The following HS6ST3 variants were observed in gnomAD, a reference collection of about 807,000 sequenced individuals.
HS6ST3 encodes heparan-sulfate 6-O-sulfotransferase 3.
HS6ST3 carries 12 observed loss-of-function variants against 36.7 expected under a neutral mutation model. The observed-to-expected ratio is 0.33, with a 90% CI of 0.21 to 0.53. The LOEUF (loss-of-function observed/expected upper bound fraction) is 0.53. Among genes scored for constraint, HS6ST3 ranks in the 20% least tolerant of loss-of-function variants. The pLI is 0.95. For synonymous variants in HS6ST3, 240 were observed against 257.5 expected (o/e 0.93, Z 0.65); for missense variants, 584 against 640.9 (o/e 0.91, Z 0.96).
At chr13:96,818,867 T>A (rs965838358) in intron 1 of HS6ST3, among the ~76,000 whole-genome samples, 1 of 152,230 alleles carries the variant, frequency 6.6e-6, no homozygotes, top group Non-Finnish European at 1.5e-5. Flanking sequence ...TCTACAAGGG[T>A]TGTATCAAAA....
chr13:96,627,764 T>A (rs573259129), intron 1 of HS6ST3, among the ~76,000 whole-genome samples: 2 of 151,930 alleles, frequency 1.3e-5, no homozygotes, highest in Non-Finnish European at 3.0e-5. Flanking sequence ...ATGAGTTGTG[T>A]GTTCTAAAAA....
intron 1 of HS6ST3, among the ~76,000 whole-genome samples, chr13:96,465,931 G>A (rs2055811173): frequency 7.8e-6 from 1 of 127,778 alleles, no homozygotes; most frequent in South Asian, 3.2e-4. Flanking sequence ...AATCTAAAAG[G>A]AATGACACAT....
chr13:96,542,595 C>G (rs2056182609), intron 1 of HS6ST3, among the ~76,000 whole-genome samples: 1 of 152,092 alleles, frequency 6.6e-6, no homozygotes, highest in Admixed American at 6.5e-5. Context: ...GTTCTGACAC[C>G]TCCCAGCCAC....
At chr13:96,203,178 T>C (rs2054351949) in intron 1 of HS6ST3, among the ~76,000 whole-genome samples, 1 of 152,192 alleles carries the variant, frequency 6.6e-6, no homozygotes, top group Admixed American at 6.5e-5. Flanking sequence ...TATAGCAGAA[T>C]ACAATAGACA....
At chr13:96,138,630 C>T (rs1286800004) in intron 1 of HS6ST3, among the ~76,000 whole-genome samples, 1 of 152,008 alleles carries the variant, frequency 6.6e-6, no homozygotes, top group Non-Finnish European at 1.5e-5. Context: ...CTAGCTTTCA[C>T]CCAGTCCCAT....
intron 1 of HS6ST3, among the ~76,000 whole-genome samples, chr13:96,249,744 A>G (rs1401954585): frequency 6.6e-6 from 1 of 152,204 alleles, no homozygotes; most frequent in Non-Finnish European, 1.5e-5. Flanking sequence ...ATATACACAC[A>G]ATGGAATATT....
chr13:96,165,689 C>T (rs966108488), intron 1 of HS6ST3, among the ~76,000 whole-genome samples: 1 of 152,072 alleles, frequency 6.6e-6, no homozygotes, highest in Admixed American at 6.5e-5. Flanking sequence ...GGGAAAGAGA[C>T]CAAGCAAACT....
At chr13:96,304,758 C>T (rs1240810868) in intron 1 of HS6ST3, among the ~76,000 whole-genome samples, 7 of 91,440 alleles carry the variant, frequency 7.7e-5, no homozygotes, top group Non-Finnish European at 1.1e-4. Flanking sequence ...TCACCCAGGC[C>T]GGAGTTCAGT....
At chr13:96,326,650 G>C (rs891070030) in intron 1 of HS6ST3, among the ~76,000 whole-genome samples, 1 of 152,092 alleles carries the variant, frequency 6.6e-6, no homozygotes, top group Non-Finnish European at 1.5e-5. Context: ...GTGTGCATGT[G>C]TCTTTTATAG....
At chr13:96,726,331 T>C (rs776661182) in intron 1 of HS6ST3, among the ~76,000 whole-genome samples, 1 of 152,220 alleles carries the variant, frequency 6.6e-6, no homozygotes, top group Non-Finnish European at 1.5e-5. Flanking sequence ...ATTGAAATTA[T>C]AATAAGATTG....
intron 1 of HS6ST3, among the ~76,000 whole-genome samples, chr13:96,323,011 C>T (rs9513121): frequency 0.29 from 43,695 of 152,030 alleles, 7,765 homozygotes; most frequent in Non-Finnish European, 0.39. Context: ...TCCCTTTCAC[C>T]CCTTCAACCT....
At chr13:96,593,729 A>G (rs1198588622) in intron 1 of HS6ST3, among the ~76,000 whole-genome samples, 2 of 151,876 alleles carry the variant, frequency 1.3e-5, no homozygotes, top group Admixed American at 6.6e-5. Context: ...TGAGGTGCAT[A>G]TATATTTATA....
At chr13:96,571,524 C>T (rs1383371903) in intron 1 of HS6ST3, among the ~76,000 whole-genome samples, 3 of 152,166 alleles carry the variant, frequency 2.0e-5, no homozygotes, top group African/African-American at 4.8e-5. Context: ...AATAAGTTAA[C>T]AGCATAAAGA....
intron 1 of HS6ST3, among the ~76,000 whole-genome samples, chr13:96,548,684 C>T (rs2056206961): frequency 6.6e-6 from 1 of 152,180 alleles, no homozygotes; most frequent in African/African-American, 2.4e-5. Flanking sequence ...CAGAGCCAGC[C>T]TCCTAGTTGA....
At chr13:96,501,478 G>T (rs2056004145) in intron 1 of HS6ST3, among the ~76,000 whole-genome samples, 1 of 152,166 alleles carries the variant, frequency 6.6e-6, no homozygotes, top group Non-Finnish European at 1.5e-5. Context: ...AAGTTATGTA[G>T]CTGTGCTGTG....
intron 1 of HS6ST3, among the ~76,000 whole-genome samples, chr13:96,453,424 GA>G (rs2055739672): frequency 6.6e-6 from 1 of 152,082 alleles, no homozygotes; most frequent in South Asian, 2.1e-4. Context: ...AAAAAAGGAA[GA>G]TACTATCTTT....
At chr13:96,687,109 A>C (rs1379699861) in intron 1 of HS6ST3, among the ~76,000 whole-genome samples, 1 of 151,714 alleles carries the variant, frequency 6.6e-6, no homozygotes, top group African/African-American at 2.4e-5. Flanking sequence ...TTTTTTTACA[A>C]ATATGGTGGC....
intron 1 of HS6ST3, among the ~76,000 whole-genome samples, chr13:96,563,938 G>A (rs779670390): frequency 1.1e-4 from 16 of 152,108 alleles, no homozygotes; most frequent in Admixed American, 7.2e-4. Context: ...CTTTTCTCCC[G>A]CTTCTATTTG....
chr13:96,169,869 A>G (rs1259580814), intron 1 of HS6ST3: 1 of 152,284 alleles, frequency 6.6e-6, no homozygotes, highest in African/African-American at 2.4e-5. Flanking sequence ...CAAAAATAAG[A>G]TAAAATTTTT....
Sources: gnomAD v4.1 joint callset for allele counts (sites outside exome capture counted in the v4.1 genomes callset) on GRCh38, gnomAD v4.1.1 for gene constraint, MANE v1.5 for transcripts, NCBI Gene and HGNC (gene_info 2026-07-23, HGNC 2026-07-21) for gene names.